The following DNAH9 variants were observed in gnomAD, a reference collection of about 807,000 sequenced individuals.
DNAH9 encodes the protein dynein axonemal heavy chain 9, also known as DNAH9 variant protein.
In DNAH9, 345 loss-of-function variants were observed where a neutral mutation model predicts 471.6. The observed-to-expected ratio is 0.73, with a 90% CI of 0.67 to 0.80. The LOEUF (loss-of-function observed/expected upper bound fraction) is 0.80, where lower values mean the gene tolerates loss of function less well. Ranked by LOEUF, DNAH9 falls within the 30% of genes least tolerant of loss-of-function variation. The pLI is 0.00. For synonymous variants in DNAH9, 2,093 were observed against 2,123.6 expected (o/e 0.99, Z 0.40); for missense variants, 5,407 against 5,609.2 (o/e 0.96, Z 1.15).
intron 7 of DNAH9, chr17:11,630,285 T>C (rs2073042639): frequency 6.6e-6 from 1 of 152,256 alleles, no homozygotes; most frequent in Non-Finnish European, 1.5e-5. Flanking sequence ...ATACACAAAG[T>C]AGCCAGGCGT....
chr17:11,810,481 A>G (rs1969854421), intron 45 of DNAH9, 112 bp downstream of exon 45: 2 of 1,383,752 alleles, frequency 1.4e-6, no homozygotes, highest in Non-Finnish European at 1.9e-6. Flanking sequence ...GTAATGAGGA[A>G]GAAAACTGAC....
intron 2 of DNAH9, among the ~76,000 whole-genome samples, chr17:11,608,609 C>A (rs2072559544): frequency 6.6e-6 from 1 of 152,144 alleles, no homozygotes; most frequent in African/African-American, 2.4e-5. Context: ...ACCACACTAG[C>A]TTTCCGTATT....
At chr17:11,709,975 C>G (rs149325146) in intron 26 of DNAH9, among the ~76,000 whole-genome samples, 1 of 152,026 alleles carries the variant, frequency 6.6e-6, no homozygotes, top group African/African-American at 2.4e-5. Context: ...GTCGTATGCT[C>G]TCTCTTTAAG....
intron 31 of DNAH9, among the ~76,000 whole-genome samples, chr17:11,747,335 A>C (rs1567770370): frequency 6.6e-6 from 1 of 152,194 alleles, no homozygotes; most frequent in African/African-American, 2.4e-5. Context: ...ACTCTGTAGC[A>C]CTTGGTTGGT....
intron 50 of DNAH9, among the ~76,000 whole-genome samples, chr17:11,859,603 C>T (rs1026220615): frequency 2.0e-5 from 3 of 152,092 alleles, no homozygotes; most frequent in Non-Finnish European, 4.4e-5. Flanking sequence ...GGAGTTTAAT[C>T]GGCTCACAGT....
intron 45 of DNAH9, among the ~76,000 whole-genome samples, chr17:11,815,281 C>T (rs551102990): frequency 6.6e-6 from 1 of 151,766 alleles, no homozygotes; most frequent in East Asian, 1.9e-4. Flanking sequence ...ATATTGCTAA[C>T]CTCTCCCTTA....
At chr17:11,814,012 G>A (rs1200178778) in intron 45 of DNAH9, among the ~76,000 whole-genome samples, 3 of 152,150 alleles carry the variant, frequency 2.0e-5, no homozygotes, top group South Asian at 2.1e-4. Flanking sequence ...TCCTTGATAG[G>A]GGTCATGCAA....
chr17:11,948,024 C>T (rs971388583), intron 67 of DNAH9, among the ~76,000 whole-genome samples: 9 of 151,852 alleles, frequency 5.9e-5, no homozygotes, highest in African/African-American at 2.2e-4. Context: ...CTCGGCCTCC[C>T]AAAGTGCTGG....
chr17:11,790,910 T>G lies in DNAH9; in HGVS notation c.8062-2593T>G, dbSNP rs7224794. Among the ~76,000 whole-genome samples the G allele has an allele frequency of 8.9e-3, 1,348 of 152,254 alleles. 20 individuals are homozygous for G. The highest frequency in any genetic ancestry group is 0.031 in the African/African-American group (1,288 of 41,562). On this transcript the variant is annotated intron_variant, in intron 41 of 68. Coordinates refer to ENST00000262442, the MANE Select transcript of DNAH9 (RefSeq NM_001372.4). ...TAATTGCCATACAATGCAAGGATCT[T>G]GGGACAATTTACCTCTCACTGATTT...
In DNAH9 at chr17:11,603,417, C is replaced by T. The variant is rs59876918; in HGVS notation, c.417+4502C>T. On this transcript the variant is annotated intron_variant, in intron 1 of 68. Coordinates refer to ENST00000262442, the MANE Select transcript of DNAH9 (RefSeq NM_001372.4). Reference sequence around the variant, plus strand: ...AACGGAAACGAGAATAACAAGTCCACGAACTCTTATGTCCACTTTGACTGC... The same window carrying T: ...AACGGAAACGAGAATAACAAGTCCATGAACTCTTATGTCCACTTTGACTGC... Among the ~76,000 whole-genome samples, 902 of 152,304 alleles carry T rather than the reference C, an allele frequency of 5.9e-3. 6 individuals carry two copies. The highest frequency in any genetic ancestry group is 0.017 in the Middle Eastern group (5 of 294).
chr17:11,727,818 T>C lies in DNAH9; in HGVS notation c.5710T>C (p.Ser1904Pro). 6.2e-7 allele frequency: 1 copy of C among 1,610,652 alleles called. No homozygotes were observed. Among genetic ancestry groups the C allele is most frequent in the Non-Finnish European group, 8.5e-7 (1 of 1,176,822 alleles). Reference protein sequence around the residue: ...FNCSEQMDYKSCGNIYKGLAQ... With the variant: ...FNCSEQMDYKPCGNIYKGLAQ... ...TTAATCTTTGTGCATTTTCTTGCAG[T>C]CTTGTGGCAACATCTACAAAGGCCT... is the stretch of plus-strand genomic sequence containing the variant. Residue 1904 changes from serine (S) to proline (P), a missense_variant and splice_region_variant, in exon 28 of 69, where the codon TCT becomes CCT. Transcript: ENST00000262442.
At chr17:11,635,910 C>A (rs1597414517) in intron 8 of DNAH9, among the ~76,000 whole-genome samples, 2 of 152,158 alleles carry the variant, frequency 1.3e-5, no homozygotes, top group South Asian at 4.2e-4. Flanking sequence ...CCTTCAAATT[C>A]TCCCCAACAT....
intron 51 of DNAH9, among the ~76,000 whole-genome samples, chr17:11,870,307 T>A (rs147492788): frequency 1.3e-4 from 20 of 152,334 alleles, no homozygotes; most frequent in African/African-American, 3.6e-4. Context: ...GTATTTCTCA[T>A]CCCATATATC....
At chr17:11,642,858 A>T (rs914330528) in intron 10 of DNAH9, among the ~76,000 whole-genome samples, 3 of 151,658 alleles carry the variant, frequency 2.0e-5, no homozygotes, top group Admixed American at 1.3e-4. Flanking sequence ...TGCCTGGCAG[A>T]TGCATCTGCT....
intron 17 of DNAH9, among the ~76,000 whole-genome samples, chr17:11,671,996 G>C (rs1011222296): frequency 6.6e-6 from 1 of 152,140 alleles, no homozygotes; most frequent in Non-Finnish European, 1.5e-5. Flanking sequence ...ACTGGCTATT[G>C]TGTTACACTT....
At chr17:11,845,075 T>C (rs988019125) in intron 49 of DNAH9, among the ~76,000 whole-genome samples, 1 of 151,792 alleles carries the variant, frequency 6.6e-6, no homozygotes, top group African/African-American at 2.4e-5. Flanking sequence ...TACATATGTA[T>C]ACATGTGCCA....
intron 67 of DNAH9, among the ~76,000 whole-genome samples, chr17:11,946,380 C>A (rs534262578): frequency 1.3e-5 from 2 of 150,918 alleles, no homozygotes; most frequent in South Asian, 2.1e-4. Flanking sequence ...AAATTACTTC[C>A]CGGCCAGGTG....
intron 36 of DNAH9, among the ~76,000 whole-genome samples, chr17:11,767,352 C>T (rs1484585447): frequency 2.0e-5 from 3 of 152,188 alleles, no homozygotes; most frequent in Admixed American, 6.5e-5. Context: ...GAAGTTATAA[C>T]GTCCCCTTGA....
chr17:11,844,557 C>T (rs888883613), intron 49 of DNAH9, among the ~76,000 whole-genome samples: 1 of 152,054 alleles, frequency 6.6e-6, no homozygotes, highest in African/African-American at 2.4e-5. Context: ...AGGCGCACAC[C>T]ACCATGCCCG....
Sources: gnomAD v4.1 joint callset for allele counts (sites outside exome capture counted in the v4.1 genomes callset) on GRCh38, gnomAD v4.1.1 for gene constraint, MANE v1.5 for transcripts, NCBI Gene and HGNC (gene_info 2026-07-23, HGNC 2026-07-21) for gene names.